Variants in ZIC5 observed in about 807,000 individuals in gnomAD.
ZIC5 encodes the protein zinc finger protein ZIC 5.
A neutral mutation model predicts 28.5 loss-of-function variants in ZIC5; 20 were observed. The observed-to-expected ratio is 0.70, with a 90% confidence interval of 0.49 to 1.02. ZIC5 has a LOEUF of 1.02. ZIC5 is among the 50% of genes least tolerant of loss of function. ZIC5 has a pLI of 0.00. For missense variants in ZIC5, 951 were observed against 899.7 expected (o/e 1.06, Z -0.73); for synonymous variants, 488 against 410.4 (o/e 1.19, Z -2.29).
intron 1 of ZIC5, among the ~76,000 whole-genome samples, chr13:99,968,227 C>G (rs140849614): frequency 5.9e-5 from 9 of 152,150 alleles, no homozygotes; most frequent in Non-Finnish European, 1.0e-4. Context: ...TGTCCAATAG[C>G]TGAGCGGCCC....
intron 1 of ZIC5, among the ~76,000 whole-genome samples, chr13:99,969,036 AG>A (rs2053123965): frequency 6.6e-6 from 1 of 152,182 alleles, no homozygotes; most frequent in African/African-American, 2.4e-5. Context: ...GTGTCCTCCG[AG>A]GGGTAATCGT....
Position 99,970,740 on chromosome 13 carries a change from G to T in ZIC5, c.864C>A (p.His288Gln). Reference protein sequence around the residue: ...PPFAPRSGDAHYGAVAAAAAA... With the variant: ...PPFAPRSGDAQYGAVAAAAAA... ...CCGCTGCGGCCGCAACCGCCCCGTAGTGCGCGTCCCCAGAGCGCGGCGCGA... is the reference window on the plus strand; with the variant it reads ...CCGCTGCGGCCGCAACCGCCCCGTATTGCGCGTCCCCAGAGCGCGGCGCGA... The change falls in exon 1 of 2, where the codon CAC becomes CAA. Residue 288 changes from histidine (H) to glutamine (Q), a missense_variant. His to Gln is a conservative substitution (Grantham distance 24). Around this residue, in one of 3 missense-constraint regions of ZIC5, gnomAD observed 784 missense variants for 660.1 expected, o/e 1.19. Transcript: ENST00000267294. The T allele has an allele frequency of 8.3e-7, 1 of 1,201,272 alleles. No individual in the cohort carries two copies. The highest frequency in any genetic ancestry group is 1.0e-6 in the Non-Finnish European group (1 of 966,082). The allele number at this position is 1,201,272 out of a possible 1,614,324, so 74.4% of individuals were successfully genotyped here. A position where few individuals can be genotyped will look rare whatever the true frequency, so the allele number is the denominator to read the frequency against.
chr13:99,966,584 A>G (rs758117584), intron 1 of ZIC5, among the ~76,000 whole-genome samples: 3 of 152,196 alleles, frequency 2.0e-5, no homozygotes, highest in Non-Finnish European at 4.4e-5. Context: ...TCGAGCTTTA[A>G]CATACATTAA....
chr13:99,970,428 CG>C lies in ZIC5; in HGVS notation c.1175del (p.Pro392ArgfsTer27). The C allele has an allele frequency of 1.0e-6, 1 of 990,144 alleles. No individual in the cohort carries two copies. The highest frequency in any genetic ancestry group is 1.2e-6 in the Non-Finnish European group (1 of 828,970). The allele number at this position is 990,144 out of a possible 1,614,324, so 61.3% of individuals were successfully genotyped here. On this transcript the variant is annotated frameshift_variant, in exon 1 of 2. Coordinates refer to ENST00000267294, the MANE Select transcript of ZIC5 (RefSeq NM_033132.5). LOFTEE classifies it high-confidence loss of function. Reference sequence around the variant, plus strand: ...CCGGGGGCGGTGGCGGCGGCGGCGGCGGCGGCGGCGGCGGCGGCGGCAGCCC... The same window carrying C: ...CCGGGGGCGGTGGCGGCGGCGGCGGCGCGGCGGCGGCGGCGGCGGCAGCCC... The part of the protein sequence containing the change: ...LAGLPPPPPP[P>X]PPPPPPPPAG...
Position 99,970,718 on chromosome 13 carries a change from C to T in ZIC5, c.886G>A (p.Ala296Thr), listed in dbSNP as rs1035952546. Residue 296 changes from alanine to threonine, a missense_variant, in exon 1 of 2, where the codon GCG (alanine) becomes ACG (threonine). Transcript: ENST00000267294. The stretch of plus-strand genomic sequence containing the variant: ...CCGTAGCCGTGCAGGGCGGCCGCCG[C>T]TGCGGCCGCAACCGCCCCGTAGTGC... The part of the protein sequence containing the change: ...DAHYGAVAAA[A>T]AAALHGYGAV... The T allele has an allele frequency of 8.4e-5, 101 of 1,197,282 alleles. No individual in the cohort carries two copies. The African/African-American group carries it at 1.5e-3, about 17-fold the overall frequency. 74.2% of individuals were successfully genotyped at this position (1,197,282 alleles called of 1,614,324 possible).
Position 99,970,513 on chromosome 13 carries a change from A to C in ZIC5, c.1091T>G (p.Met364Arg). 1 of 1,127,944 alleles carries C rather than the reference A, an allele frequency of 8.9e-7. No homozygotes were observed. The highest frequency in any genetic ancestry group is 1.7e-5 in the African/African-American group (1 of 59,578). 69.9% of individuals were successfully genotyped at this position (1,127,944 alleles called of 1,614,324 possible). Residue 364 changes from methionine to arginine, a missense_variant, in exon 1 of 2, where the codon ATG (methionine) becomes AGG (arginine). Around this residue, in one of 3 missense-constraint regions of ZIC5, gnomAD observed 784 missense variants for 660.1 expected, o/e 1.19. Transcript: ENST00000267294. ...PGAAGAFLRY[M>R]RQPIKQELIC... ...GAGCTCCTGCTTGATTGGCTGCCGCATGTAGCGCAGGAAGGCCCCAGCCGC... is the reference window on the plus strand; with the variant it reads ...GAGCTCCTGCTTGATTGGCTGCCGCCTGTAGCGCAGGAAGGCCCCAGCCGC...
Position 99,970,723 on chromosome 13 carries a change from G to C in ZIC5, c.881C>G (p.Ala294Gly). 2.5e-6 allele frequency: 3 copies of C among 1,200,658 alleles called. No homozygotes were observed. The highest frequency in any genetic ancestry group is 3.1e-6 in the Non-Finnish European group (3 of 964,292). The allele number at this position is 1,200,658 out of a possible 1,614,324, so 74.4% of individuals were successfully genotyped here. ...SGDAHYGAVA[A>G]AAAAALHGYG... ...GCCGTGCAGGGCGGCCGCCGCTGCG[G>C]CCGCAACCGCCCCGTAGTGCGCGTC... is the stretch of plus-strand genomic sequence containing the variant. Residue 294 changes from alanine (A) to glycine (G), a missense_variant, in exon 1 of 2, where the codon GCC becomes GGC. Coordinates refer to ENST00000267294, the MANE Select transcript of ZIC5 (RefSeq NM_033132.5).
rs543784915 is a variant in ZIC5 at position 99,970,215 on chromosome 13, G to C, written c.1389C>G (p.Gly463=). The C allele has an allele frequency of 6.2e-7, 1 of 1,613,618 alleles. No homozygotes were observed. Among genetic ancestry groups the C allele is most frequent in the Admixed American group, 1.7e-5 (1 of 60,018 alleles). The change falls in exon 1 of 2, where the codon GGC becomes GGG. Residue 463 remains glycine (G), a synonymous_variant. Coordinates refer to ENST00000267294, the MANE Select transcript of ZIC5 (RefSeq NM_033132.5). ...KLINHIRVHT[G]EKPFPCPFPG... ...GGAAAGGGCAGGGAAAGGGCTTCTC[G>C]CCGGTGTGCACGCGGATGTGGTTGA...
chr13:99,970,648 G>C lies in ZIC5; in HGVS notation c.956C>G (p.Ala319Gly), dbSNP rs765284967. ...NLNLAAAAAA[A>G]AAGPGPHLQH... ...CAGGTGGGGCCCGGGCCCGGCCGCTGCTGCGGCCGCCGCAGCCGCCAGGTT... is the reference window on the plus strand; with the variant it reads ...CAGGTGGGGCCCGGGCCCGGCCGCTCCTGCGGCCGCCGCAGCCGCCAGGTT... Residue 319 changes from alanine to glycine, a missense_variant, in exon 1 of 2, where the codon GCA becomes GGA. Physicochemically the swap from Ala to Gly is moderately conservative, Grantham distance 60. Transcript: ENST00000267294. 213 of 1,141,158 alleles carry C rather than the reference G, an allele frequency of 1.9e-4. 1 individual carries two copies. The highest frequency in any genetic ancestry group is 6.9e-4 in the African/African-American group (41 of 59,054). The allele number at this position is 1,141,158 out of a possible 1,614,324, so 70.7% of individuals were successfully genotyped here.
chr13:99,970,596 C>T lies in ZIC5; in HGVS notation c.1008G>A (p.Pro336=), dbSNP rs954172816. The part of the protein sequence containing the change: ...HLQHHAPPPA[P]PPPPAPAQHP... ...GCTGCGCGGGCGCCGGCGGCGGCGG[C>T]GGCGCCGGGGGCGGCGCGTGGTGCT... Residue 336 remains proline, a synonymous_variant, in exon 1 of 2, where the codon CCG becomes CCA. Coordinates refer to ENST00000267294, the MANE Select transcript of ZIC5 (RefSeq NM_033132.5). 4 of 995,906 alleles carry T rather than the reference C, an allele frequency of 4.0e-6. No homozygotes were observed. The highest frequency in any genetic ancestry group is 4.5e-5 in the South Asian group (1 of 22,234). The allele number at this position is 995,906 out of a possible 1,614,324, so 61.7% of individuals were successfully genotyped here. A position where few individuals can be genotyped will look rare whatever the true frequency, so the allele number is the denominator to read the frequency against.
In ZIC5 at chr13:99,965,059, G is replaced by A. The variant is rs944139834; in HGVS notation, c.*318C>T. On this transcript the variant is annotated 3_prime_UTR_variant, in exon 2 of 2. Coordinates refer to ENST00000267294, the MANE Select transcript of ZIC5 (RefSeq NM_033132.5). ...TATATATATATTGCATCGGCAGTGT[G>A]TATCGCCATTAACTAATCTCTCCAT... 2.7e-5 allele frequency: 4 copies of A among 147,734 alleles called. No individual in the cohort carries two copies. Among genetic ancestry groups the A allele is most frequent in the African/African-American group, 5.1e-5 (2 of 39,008 alleles). 9.2% of individuals were successfully genotyped at this position (147,734 alleles called of 1,614,324 possible).
chr13:99,970,454 C>A lies in ZIC5; in HGVS notation c.1150G>T (p.Gly384Trp). ...CKWIDPDELA[G>W]LPPPPPPPPP... ...GGCGGCGGCGGCGGCGGCGGCAGCC[C>A]GGCCAGCTCGTCGGGGTCGATCCAC... Residue 384 changes from glycine to tryptophan, a missense_variant, in exon 1 of 2, where the codon GGG becomes TGG. Gly to Trp is a radical substitution (Grantham distance 184). Transcript: ENST00000267294. 3.7e-6 allele frequency: 4 copies of A among 1,068,858 alleles called. No individual in the cohort carries two copies. The highest frequency in any genetic ancestry group is 8.1e-5 in the East Asian group (1 of 12,398). The allele number at this position is 1,068,858 out of a possible 1,614,324, so 66.2% of individuals were successfully genotyped here.
At position 99,971,299 on chromosome 13, in the gene ZIC5, G is replaced by T; in HGVS notation, c.305C>A (p.Ala102Asp). The T allele has an allele frequency of 7.3e-7, 1 of 1,363,860 alleles. No homozygotes were observed. The highest frequency in any genetic ancestry group is 9.4e-7 in the Non-Finnish European group (1 of 1,068,568). 84.5% of individuals were successfully genotyped at this position (1,363,860 alleles called of 1,614,324 possible). ...EAPAAAARAA[A>D]LVAHPGAGSY... ...GCCCGCGCCGGGGTGCGCGACCAAG[G>T]CTGCAGCACGGGCGGCGGCTGCCGG... The change falls in exon 1 of 2, where the codon GCC (alanine) becomes GAC (aspartate). Residue 102 changes from alanine (A) to aspartate (D), a missense_variant. Around this residue, in one of 3 missense-constraint regions of ZIC5, gnomAD observed 784 missense variants for 660.1 expected, o/e 1.19. Coordinates refer to ENST00000267294, the MANE Select transcript of ZIC5 (RefSeq NM_033132.5).
chr13:99,971,817 C>T, upstream of ZIC5: 2 of 1,129,140 alleles, frequency 1.8e-6, no homozygotes, highest in Non-Finnish European at 2.5e-6. Flanking sequence ...GGAAATGGCA[C>T]GGGTGGGATT....
intron 1 of ZIC5, among the ~76,000 whole-genome samples, chr13:99,968,108 G>GCCCC (rs1320225348): frequency 2.0e-5 from 3 of 152,234 alleles, no homozygotes; most frequent in Non-Finnish European, 4.4e-5. Flanking sequence ...AAGTGGCCCG[G>GCCCC]GGATTAGTCC....
rs1359942453 is a variant in ZIC5, at chr13:99,970,528, GC to G, written c.1075del (p.Ala359ProfsTer60). ...HHPHLPGAAGAFLRYMRQPIK... is the reference protein window; with the variant it reads ...HHPHLPGAAGXFLRYMRQPIK... ...TGGCTGCCGCATGTAGCGCAGGAAG[GC>G]CCCAGCCGCCCCTGGGAGGTGGGGG... On this transcript the variant is annotated frameshift_variant, in exon 1 of 2. Coordinates refer to ENST00000267294, the MANE Select transcript of ZIC5 (RefSeq NM_033132.5). LOFTEE classifies it high-confidence loss of function. The G allele has an allele frequency of 1.8e-6, 2 of 1,112,872 alleles. No individual in the cohort carries two copies. Among genetic ancestry groups the G allele is most frequent in the Admixed American group, 3.6e-5 (1 of 27,682 alleles). 68.9% of individuals were successfully genotyped at this position (1,112,872 alleles called of 1,614,324 possible).
At chr13:99,968,258 A>C (rs923333565) in intron 1 of ZIC5, among the ~76,000 whole-genome samples, 1 of 152,190 alleles carries the variant, frequency 6.6e-6, no homozygotes, top group African/African-American at 2.4e-5. Context: ...AGAAACACCA[A>C]GCGCGGGTTG....
At chr13:99,968,797 T>TC (rs2053121804) in intron 1 of ZIC5, among the ~76,000 whole-genome samples, 1 of 152,068 alleles carries the variant, frequency 6.6e-6, no homozygotes, top group Non-Finnish European at 1.5e-5. Flanking sequence ...GGCGGACTGA[T>TC]CCCGATTAGA....
At position 99,970,407 on chromosome 13, in the gene ZIC5, GGGC is replaced by G; in HGVS notation, c.1194_1196del (p.Pro400del). On this transcript the variant is annotated inframe_deletion, in exon 1 of 2. Transcript: ENST00000267294. ...AGCAGGGCTTGGCGCCGCCGGCCGG[GGGC>G]GGTGGCGGCGGCGGCGGCGGCGGCG... 1 of 1,192,682 alleles carries G rather than the reference GGGC, an allele frequency of 8.4e-7. No homozygotes were observed. 73.9% of individuals were successfully genotyped at this position (1,192,682 alleles called of 1,614,324 possible). A position where few individuals can be genotyped will look rare whatever the true frequency, so the allele number is the denominator to read the frequency against.
Sources: gnomAD v4.1 joint callset for allele counts (sites outside exome capture counted in the v4.1 genomes callset) on GRCh38, gnomAD v4.1.1 for gene constraint, gnomAD v4.1.1 regional missense constraint, MANE v1.5 for transcripts, NCBI Gene and HGNC (gene_info 2026-07-23, HGNC 2026-07-21) for gene names.